TMEM102: variants seen among roughly 807,000 people sequenced by gnomAD.
The protein encoded by TMEM102 is transmembrane protein 102.
In TMEM102, 28 loss-of-function variants were observed where a neutral mutation model predicts 26.8. That is an observed-to-expected ratio of 1.05 (90% CI 0.77 to 1.43). TMEM102 has a LOEUF of 1.43. Among genes scored for constraint, TMEM102 ranks in the 40% most tolerant of loss-of-function variants. The pLI is 0.00. For missense variants in TMEM102, 677 were observed against 705.6 expected (o/e 0.96, Z 0.46); for synonymous variants, 306 against 332.1 (o/e 0.92, Z 0.86).
Position 7,436,104 on chromosome 17 carries a change from CT to C in TMEM102, c.214+22del, listed in dbSNP as rs764345861. ...TTGCTTGGTAAGTAACCCTACTTGC[CT>C]TTGGGAACTCACAGCTCTCAGCCTC... On this transcript the variant is annotated intron_variant, in intron 2 of 2. Coordinates refer to ENST00000323206, the MANE Select transcript of TMEM102 (RefSeq NM_178518.3). The C allele has an allele frequency of 1.7e-5, 27 of 1,610,012 alleles. No homozygotes were observed. The African/African-American group carries it at 3.5e-4, about 21-fold the overall frequency.
rs1446412099 is a variant in TMEM102, at chr17:7,436,283, G to C, written c.304G>C (p.Gly102Arg). The change falls in exon 3 of 3, where the codon GGG (glycine) becomes CGG (arginine). Residue 102 changes from glycine (G) to arginine (R), a missense_variant. By Grantham distance (125) the Gly-to-Arg change is moderately radical. Coordinates refer to ENST00000323206, the MANE Select transcript of TMEM102 (RefSeq NM_178518.3). The stretch of plus-strand genomic sequence containing the variant: ...GATTCGCGAGGGCTCCCTGGATCTG[G>C]GGCATGCACCCCTGGGTCCCTACGC... ...GGIREGSLDL[G>R]HAPLGPYARG... The C allele has an allele frequency of 6.2e-7, 1 of 1,613,704 alleles. No homozygotes were observed. The highest frequency in any genetic ancestry group is 1.7e-5 in the Admixed American group (1 of 60,022).
Position 7,437,106 on chromosome 17 carries a change from C to A in TMEM102, c.1127C>A (p.Ala376Glu). Residue 376 changes from alanine to glutamate, a missense_variant, in exon 3 of 3, where the codon GCG becomes GAG. Physicochemically the swap from Ala to Glu is moderately radical, Grantham distance 107. Coordinates refer to ENST00000323206, the MANE Select transcript of TMEM102 (RefSeq NM_178518.3). This position sits in a 1 kb window ranked among gnomAD's most constrained non-coding sequence, Gnocchi z 4.2. ...GCCCGCCAGGAGCTGGCGCTCAAAG[C>A]GCGCATACCAGCGCCGCTGCTGCAG... ...CFARQELALKARIPAPLLQAH... is the reference protein window; with the variant it reads ...CFARQELALKERIPAPLLQAH... The A allele has an allele frequency of 6.7e-7, 1 of 1,493,032 alleles. No homozygotes were observed. Among genetic ancestry groups the A allele is most frequent in the South Asian group, 1.3e-5 (1 of 77,492 alleles). The allele number at this position is 1,493,032 out of a possible 1,614,324, so 92.5% of individuals were successfully genotyped here. A position where few individuals can be genotyped will look rare whatever the true frequency, so the allele number is the denominator to read the frequency against.
chr17:7,436,062 A>C lies in TMEM102; in HGVS notation c.191A>C (p.Lys64Thr). ...PKPGADLLRA[K>T]DFVFSLLGLV... ...CCGGGAGCCGATCTCCTCCGGGCCAAGGACTTTGTCTTCTCTTTGCTTGGT... is the reference window on the plus strand; with the variant it reads ...CCGGGAGCCGATCTCCTCCGGGCCACGGACTTTGTCTTCTCTTTGCTTGGT... The change falls in exon 2 of 3, where the codon AAG becomes ACG. Residue 64 changes from lysine (K) to threonine (T), a missense_variant. Lys to Thr is a moderately conservative substitution (Grantham distance 78). Transcript: ENST00000323206. The C allele has an allele frequency of 6.2e-7, 1 of 1,613,864 alleles. No homozygotes were observed. Among genetic ancestry groups the C allele is most frequent in the Non-Finnish European group, 8.5e-7 (1 of 1,180,018 alleles).
rs1908057560 is a variant in TMEM102, at chr17:7,437,007, A to G, written c.1028A>G (p.Glu343Gly). 2 of 1,598,032 alleles carry G rather than the reference A, an allele frequency of 1.3e-6. No individual in the cohort carries two copies. The highest frequency in any genetic ancestry group is 1.7e-6 in the Non-Finnish European group (2 of 1,178,328). ...SHSWAGPLAS[E>G]SASFYLVPGG... The stretch of plus-strand genomic sequence containing the variant: ...TCGTGGGCCGGTCCGCTGGCCTCTG[A>G]GTCGGCTTCCTTCTACCTGGTGCCC... Residue 343 changes from glutamate (E) to glycine (G), a missense_variant, in exon 3 of 3, where the codon GAG becomes GGG. Transcript: ENST00000323206. This position sits in a 1 kb window ranked among gnomAD's most constrained non-coding sequence, Gnocchi z 4.2.
At position 7,436,394 on chromosome 17, in the gene TMEM102, T is replaced by G; in HGVS notation, c.415T>G (p.Ser139Ala). Residue 139 changes from serine (S) to alanine (A), a missense_variant, in exon 3 of 3, where the codon TCC becomes GCC. Physicochemically the swap from Ser to Ala is moderately conservative, Grantham distance 99 (BLOSUM62 1). Coordinates refer to ENST00000323206, the MANE Select transcript of TMEM102 (RefSeq NM_178518.3). Reference sequence around the variant, plus strand: ...CACTGAACTGCAACTGGACCTGGAATCCTGTTACGCACAGGTCTGCCTCCC... The same window carrying G: ...CACTGAACTGCAACTGGACCTGGAAGCCTGTTACGCACAGGTCTGCCTCCC... ...DGTELQLDLE[S>A]CYAQVCLPEM... is the part of the protein sequence containing the mutation. 6.2e-7 allele frequency: 1 copy of G among 1,613,854 alleles called. No homozygotes were observed. The highest frequency in any genetic ancestry group is 8.5e-7 in the Non-Finnish European group (1 of 1,180,036).
rs926826911 is a variant in TMEM102 at position 7,436,834 on chromosome 17, G to A, written c.855G>A (p.Pro285=). The A allele has an allele frequency of 6.2e-7, 1 of 1,613,144 alleles. No individual in the cohort carries two copies. Among genetic ancestry groups the A allele is most frequent in the Non-Finnish European group, 8.5e-7 (1 of 1,180,014 alleles). ...TCGCCGAGTCTCTGATCCCTGTCCC[G>A]GGTGCTCCGCGTCTGGTGCACGCAG... is the stretch of plus-strand genomic sequence containing the variant. The part of the protein sequence containing the change: ...AAVAESLIPV[P]GAPRLVHAAR... Residue 285 remains proline (P), a synonymous_variant, in exon 3 of 3, where the codon CCG becomes CCA. Transcript: ENST00000323206.
rs544638597 is a variant in TMEM102 at position 7,437,498 on chromosome 17, G to A, written c.1519G>A (p.Ala507Thr). ...CGGTTTGGCGGGCGTGGGGGGCGGGGCCCATTAAAGACGCTGTTCCTACCA... is the reference window on the plus strand; with the variant it reads ...CGGTTTGGCGGGCGTGGGGGGCGGGACCCATTAAAGACGCTGTTCCTACCA... ...GGGLAGVGGG[A>T]H is the part of the protein sequence containing the mutation. The change falls in exon 3 of 3, where the codon GCC becomes ACC. Residue 507 changes from alanine to threonine, a missense_variant. By Grantham distance (58) the Ala-to-Thr change is moderately conservative (BLOSUM62 0). Transcript: ENST00000323206. The surrounding 1 kb of genome is among the most constrained non-coding windows in gnomAD (Gnocchi z 4.2). 4 of 1,386,248 alleles carry A rather than the reference G, an allele frequency of 2.9e-6. No individual in the cohort carries two copies. The highest frequency in any genetic ancestry group is 3.7e-6 in the Non-Finnish European group (4 of 1,073,078). 85.9% of individuals were successfully genotyped at this position (1,386,248 alleles called of 1,614,324 possible).
chr17:7,436,711 C>G lies in TMEM102; in HGVS notation c.732C>G (p.Val244=), dbSNP rs767471413. ...GTAGTGACGTCACCAAGGCAGCCGTCGAAAGCCCAGTCCCAAAGCCGTCGG... is the reference window on the plus strand; with the variant it reads ...GTAGTGACGTCACCAAGGCAGCCGTGGAAAGCCCAGTCCCAAAGCCGTCGG... ...TMSSDVTKAA[V]ESPVPKPSEA... Residue 244 remains valine (V), a synonymous_variant, in exon 3 of 3, where the codon GTC becomes GTG. Coordinates refer to ENST00000323206, the MANE Select transcript of TMEM102 (RefSeq NM_178518.3). 2 of 1,613,802 alleles carry G rather than the reference C, an allele frequency of 1.2e-6. No homozygotes were observed. Among genetic ancestry groups the G allele is most frequent in the Non-Finnish European group, 1.7e-6 (2 of 1,180,032 alleles).
In TMEM102 at chr17:7,436,398, G is replaced by C. The variant is rs1279298819; in HGVS notation, c.419G>C (p.Cys140Ser). The C allele has an allele frequency of 1.2e-6, 2 of 1,613,764 alleles. No individual in the cohort carries two copies. The change falls in exon 3 of 3, where the codon TGT (cysteine) becomes TCT (serine). Residue 140 changes from cysteine to serine, a missense_variant. Transcript: ENST00000323206. ...GAACTGCAACTGGACCTGGAATCCT[G>C]TTACGCACAGGTCTGCCTCCCAGAG... Reference protein sequence around the residue: ...GTELQLDLESCYAQVCLPEMV... With the variant: ...GTELQLDLESSYAQVCLPEMV...
In TMEM102 at chr17:7,437,026, G is replaced by A. The variant is rs1386810239; in HGVS notation, c.1047G>A (p.Leu349=). ...PLASESASFY[L]VPGGGTERPC... ...CCTCTGAGTCGGCTTCCTTCTACCTGGTGCCCGGTGGCGGCACCGAGCGGC... is the reference window on the plus strand; with the variant it reads ...CCTCTGAGTCGGCTTCCTTCTACCTAGTGCCCGGTGGCGGCACCGAGCGGC... The change falls in exon 3 of 3, where the codon CTG becomes CTA. Residue 349 remains leucine (L), a synonymous_variant. Coordinates refer to ENST00000323206, the MANE Select transcript of TMEM102 (RefSeq NM_178518.3). The surrounding 1 kb of genome is among the most constrained non-coding windows in gnomAD (Gnocchi z 4.2). 1 of 1,590,784 alleles carries A rather than the reference G, an allele frequency of 6.3e-7. No homozygotes were observed.
chr17:7,436,844 C>T lies in TMEM102; in HGVS notation c.865C>T (p.Arg289Cys). The T allele has an allele frequency of 1.2e-6, 2 of 1,612,954 alleles. No homozygotes were observed. Among genetic ancestry groups the T allele is most frequent in the Non-Finnish European group, 1.7e-6 (2 of 1,180,018 alleles). The change falls in exon 3 of 3, where the codon CGT becomes TGT. Residue 289 changes from arginine to cysteine, a missense_variant. Arg to Cys is a radical substitution (Grantham distance 180). Coordinates refer to ENST00000323206, the MANE Select transcript of TMEM102 (RefSeq NM_178518.3). ...TCTGATCCCTGTCCCGGGTGCTCCG[C>T]GTCTGGTGCACGCAGCTCGCCACGC... Reference protein sequence around the residue: ...ESLIPVPGAPRLVHAARHAGF... With the variant: ...ESLIPVPGAPCLVHAARHAGF...
chr17:7,436,888 C>G lies in TMEM102; in HGVS notation c.909C>G (p.Leu303=). 1.9e-6 allele frequency: 3 copies of G among 1,610,662 alleles called. No homozygotes were observed. The highest frequency in any genetic ancestry group is 1.7e-6 in the Non-Finnish European group (2 of 1,179,874). The change falls in exon 3 of 3, where the codon CTC becomes CTG. Residue 303 remains leucine (L), a synonymous_variant. Transcript: ENST00000323206. ...AARHAGFTTV[L]LATPEPPRRL... is the part of the protein sequence containing the mutation. ...GCCACGCGGGTTTCACCACCGTCCT[C>G]CTGGCTACCCCTGAGCCCCCTCGCC...
At chr17:7,435,781 G>A in intron 1 of TMEM102, 72 bp from the exon 2 acceptor site, 1 of 1,226,954 alleles carries the variant, frequency 8.2e-7, no homozygotes, top group Non-Finnish European at 1.1e-6. Flanking sequence ...GCACTCGCTC[G>A]GCCTCAGGAA....
Position 7,436,885 on chromosome 17 carries a change from C to G in TMEM102, c.906C>G (p.Val302=). ...HAARHAGFTT[V]LLATPEPPRR... is the part of the protein sequence containing the mutation. Reference sequence around the variant, plus strand: ...CTCGCCACGCGGGTTTCACCACCGTCCTCCTGGCTACCCCTGAGCCCCCTC... The same window carrying G: ...CTCGCCACGCGGGTTTCACCACCGTGCTCCTGGCTACCCCTGAGCCCCCTC... Residue 302 remains valine (V), a synonymous_variant, in exon 3 of 3, where the codon GTC becomes GTG. Transcript: ENST00000323206. The G allele has an allele frequency of 1.9e-6, 3 of 1,611,116 alleles. No homozygotes were observed. The highest frequency in any genetic ancestry group is 2.5e-6 in the Non-Finnish European group (3 of 1,179,920).
Position 7,437,558 on chromosome 17 carries a change from G to A in TMEM102, c.*52G>A. 3 of 1,233,452 alleles carry A rather than the reference G, an allele frequency of 2.4e-6. No individual in the cohort carries two copies. The highest frequency in any genetic ancestry group is 3.2e-6 in the Non-Finnish European group (3 of 952,352). The allele number at this position is 1,233,452 out of a possible 1,614,324, so 76.4% of individuals were successfully genotyped here. A position where few individuals can be genotyped will look rare whatever the true frequency, so the allele number is the denominator to read the frequency against. ...GCCTCTGTGGGCGAGCGGGACGTGG[G>A]GGGCCCTGCTCGCCCCTCGCCAGGG... On this transcript the variant is annotated 3_prime_UTR_variant, in exon 3 of 3. Transcript: ENST00000323206. This position sits in a 1 kb window ranked among gnomAD's most constrained non-coding sequence, Gnocchi z 4.2.
At position 7,436,086 on chromosome 17, in the gene TMEM102, G is replaced by T; in HGVS notation, c.214+1G>T. 1 of 1,613,298 alleles carries T rather than the reference G, an allele frequency of 6.2e-7. No homozygotes were observed. Among genetic ancestry groups the T allele is most frequent in the Non-Finnish European group, 8.5e-7 (1 of 1,179,698 alleles). On this transcript the variant is annotated splice_donor_variant, in intron 2 of 2. Transcript: ENST00000323206. LOFTEE classifies it high-confidence loss of function. ...AAGGACTTTGTCTTCTCTTTGCTTGGTAAGTAACCCTACTTGCCTTTGGGA... is the reference window on the plus strand; with the variant it reads ...AAGGACTTTGTCTTCTCTTTGCTTGTTAAGTAACCCTACTTGCCTTTGGGA...
chr17:7,435,564 C>A lies in TMEM102; in HGVS notation c.-152C>A, dbSNP rs990047158. ...CAAAAAAGAGGTAAAGGGAGGTAGA[C>A]AAGGGGCGGCAGCGGAGGCTGGCTA... On this transcript the variant is annotated 5_prime_UTR_variant, in exon 1 of 3. Coordinates refer to ENST00000323206, the MANE Select transcript of TMEM102 (RefSeq NM_178518.3). 2.9e-6 allele frequency: 1 copy of A among 347,608 alleles called. No homozygotes were observed. Among genetic ancestry groups the A allele is most frequent in the Non-Finnish European group, 5.3e-6 (1 of 189,656 alleles). The allele number at this position is 347,608 out of a possible 1,614,324, so 21.5% of individuals were successfully genotyped here.
Position 7,436,533 on chromosome 17 carries a change from A to G in TMEM102, c.554A>G (p.Asp185Gly), listed in dbSNP as rs1364274388. ...ACGGAGAGCGAAGAAAGTTCCAAGGACTGGCAAAGCTCTGTAGACCAGCCG... is the reference window on the plus strand; with the variant it reads ...ACGGAGAGCGAAGAAAGTTCCAAGGGCTGGCAAAGCTCTGTAGACCAGCCG... Reference protein sequence around the residue: ...HRTESEESSKDWQSSVDQPHS... With the variant: ...HRTESEESSKGWQSSVDQPHS... Residue 185 changes from aspartate to glycine, a missense_variant, in exon 3 of 3, where the codon GAC (aspartate) becomes GGC (glycine). Asp to Gly is a moderately conservative substitution (Grantham distance 94). Coordinates refer to ENST00000323206, the MANE Select transcript of TMEM102 (RefSeq NM_178518.3). The G allele has an allele frequency of 6.2e-7, 1 of 1,613,824 alleles. No individual in the cohort carries two copies. Among genetic ancestry groups the G allele is most frequent in the Non-Finnish European group, 8.5e-7 (1 of 1,180,046 alleles).
rs1178694780 is a variant in TMEM102 at position 7,437,133 on chromosome 17, C to T, written c.1154C>T (p.Ala385Val). 6.9e-7 allele frequency: 1 copy of T among 1,457,714 alleles called. No homozygotes were observed. Among genetic ancestry groups the T allele is most frequent in the Non-Finnish European group, 8.9e-7 (1 of 1,119,578 alleles). The allele number at this position is 1,457,714 out of a possible 1,614,324, so 90.3% of individuals were successfully genotyped here. A position where few individuals can be genotyped will look rare whatever the true frequency, so the allele number is the denominator to read the frequency against. Reference protein sequence around the residue: ...KARIPAPLLQAHAAAQALLRP... With the variant: ...KARIPAPLLQVHAAAQALLRP... ...CGCATACCAGCGCCGCTGCTGCAGG[C>T]GCACGCGGCGGCCCAGGCGCTACTG... Residue 385 changes from alanine (A) to valine (V), a missense_variant, in exon 3 of 3, where the codon GCG (alanine) becomes GTG (valine). Transcript: ENST00000323206. The surrounding 1 kb of genome is among the most constrained non-coding windows in gnomAD (Gnocchi z 4.2).
Sources: allele counts gnomAD v4.1 joint callset, GRCh38; gene constraint gnomAD v4.1.1; non-coding constraint Gnocchi (gnomAD v3.1); transcripts MANE v1.5; gene names NCBI Gene and HGNC (gene_info 2026-07-23, HGNC 2026-07-21).